Variants in PSPC1 observed in about 807,000 individuals in gnomAD.
PSPC1 encodes the protein paraspeckle component 1, also known as paraspeckle protein 1.
A neutral mutation model predicts 51.6 loss-of-function variants in PSPC1; 14 were observed. The observed-to-expected ratio is 0.27, with a 90% CI of 0.18 to 0.42. The LOEUF is 0.42. Among genes scored for constraint, PSPC1 ranks in the 10% least tolerant of loss-of-function variants. The pLI is 1.00. For synonymous variants in PSPC1, 193 were observed against 231.9 expected, an observed-to-expected ratio of 0.83 and a Z score of 1.53; for missense variants, 406 against 701.1, an observed-to-expected ratio of 0.58 and a Z score of 4.75.
At position 19,727,633 on chromosome 13, in the gene PSPC1, C is replaced by T. The variant is rs373326643; in HGVS notation, c.1158+2606G>A. Among the ~76,000 whole-genome samples, 103 of 152,244 alleles carry T rather than the reference C, an allele frequency of 6.8e-4. No homozygotes were observed. In the South Asian group the frequency reaches 0.018, roughly 26 times the overall value. Reference sequence around the variant, plus strand: ...TAGAACTAAAATCTGTCATTTAGTCCAATGCAGATTTTTCCCATAAAGACT... The same window carrying T: ...TAGAACTAAAATCTGTCATTTAGTCTAATGCAGATTTTTCCCATAAAGACT... On this transcript the variant is annotated intron_variant, in intron 6 of 8. Transcript: ENST00000338910.
chr13:19,671,997 G>C (rs1565946129), downstream of PSPC1: 6 of 993,490 alleles, frequency 6.0e-6, no homozygotes, highest in Non-Finnish European at 9.3e-6. Flanking sequence ...TTGCAGTTAA[G>C]CCTGTTGTCT....
Position 19,703,137 on chromosome 13 carries a change from A to C in PSPC1, c.*38T>G. ...GTAAAAGTATAAAGGCATACCACTGACTTTTTTTTTTCTAGATAGCCAGGA... is the reference window on the plus strand; with the variant it reads ...GTAAAAGTATAAAGGCATACCACTGCCTTTTTTTTTTCTAGATAGCCAGGA... On this transcript the variant is annotated 3_prime_UTR_variant, in exon 9 of 9. Coordinates refer to ENST00000338910, the MANE Select transcript of PSPC1 (RefSeq NM_001354909.2). 1 of 1,577,546 alleles carries C rather than the reference A, an allele frequency of 6.3e-7. No homozygotes were observed. The highest frequency in any genetic ancestry group is 8.7e-7 in the Non-Finnish European group (1 of 1,149,386).
intron 5 of PSPC1, among the ~76,000 whole-genome samples, chr13:19,736,637 C>G (rs528949385): frequency 6.6e-6 from 1 of 152,048 alleles, no homozygotes. Flanking sequence ...GAGCCGAGAT[C>G]GCGCCACTGC....
chr13:19,754,794 T>C (rs1886907677), intron 3 of PSPC1, among the ~76,000 whole-genome samples: 1 of 152,276 alleles, frequency 6.6e-6, no homozygotes, highest in African/African-American at 2.4e-5. Context: ...AAATATTGCC[T>C]ATAAAGTCTA....
rs371956217 is a variant in PSPC1, at chr13:19,731,658, C to A, written c.1053-1314G>T. Among the ~76,000 whole-genome samples, 305 of 152,292 alleles carry A rather than the reference C, an allele frequency of 2.0e-3. 11 individuals are homozygous for A. In the South Asian group the frequency reaches 0.052, roughly 26 times the overall value. ...TAAACTCCTGGGCTCAAGTGGTCTG[C>A]CTGCCTCAATCTCCCAAAGTGCTGG... On this transcript the variant is annotated intron_variant, in intron 5 of 8. Coordinates refer to ENST00000338910, the MANE Select transcript of PSPC1 (RefSeq NM_001354909.2).
In PSPC1 at chr13:19,747,500, T is replaced by C. The variant is rs893837827; in HGVS notation, c.967+3771A>G. 5.9e-4 allele frequency among the ~76,000 whole-genome samples: 90 copies of C among 152,212 alleles called. 1 individual carries two copies. Among genetic ancestry groups the C allele is most frequent in the African/African-American group, 2.1e-3 (87 of 41,548 alleles). On this transcript the variant is annotated intron_variant, in intron 4 of 8. Coordinates refer to ENST00000338910, the MANE Select transcript of PSPC1 (RefSeq NM_001354909.2). ...GACACATGCCACCATGCCCAGCTAA[T>C]TTCTGTACTTTTGGTAGAGACGGGG...
chr13:19,742,731 T>C (rs1231268743), intron 4 of PSPC1, among the ~76,000 whole-genome samples: 1 of 152,178 alleles, frequency 6.6e-6, no homozygotes, highest in Non-Finnish European at 1.5e-5. Context: ...ACAGCAGAAC[T>C]GTCTCTAAAA....
intron 6 of PSPC1, among the ~76,000 whole-genome samples, chr13:19,711,069 G>C (rs926771166): frequency 2.6e-5 from 4 of 151,996 alleles, no homozygotes; most frequent in African/African-American, 9.7e-5. Flanking sequence ...TCTAACTCCT[G>C]GGCTCAAGCA....
At chr13:19,779,749 C>A (rs1889685343) in intron 1 of PSPC1, among the ~76,000 whole-genome samples, 1 of 98,080 alleles carries the variant, frequency 1.0e-5, no homozygotes, top group African/African-American at 4.1e-5. Context: ...GGTCAGCCCT[C>A]CGCCCAGCCA....
rs1228912220 is a variant in PSPC1, at chr13:19,705,585, T to C, written c.1386+77A>G. ...TGCCAAAACAAATGATACCAAATTA[T>C]ATTAAGTGTGAAGTTATCCTTGATG... On this transcript the variant is annotated intron_variant, in intron 8 of 8. Transcript: ENST00000338910. The C allele has an allele frequency of 2.2e-5, 22 of 989,344 alleles. No individual in the cohort carries two copies. In the African/African-American group the frequency reaches 3.2e-4, roughly 14 times the overall value. 61.3% of individuals were successfully genotyped at this position (989,344 alleles called of 1,614,324 possible). A position where few individuals can be genotyped will look rare whatever the true frequency, so the allele number is the denominator to read the frequency against.
At chr13:19,771,608 G>C (rs370103918) in intron 2 of PSPC1, among the ~76,000 whole-genome samples, 16 of 151,400 alleles carry the variant, frequency 1.1e-4, no homozygotes, top group African/African-American at 3.9e-4. Context: ...ATTAATTTTT[G>C]TATTTTTAGA....
In PSPC1 at chr13:19,772,311, T is replaced by C; in HGVS notation, c.605A>G (p.Glu202Gly). Reference sequence around the variant, plus strand: ...TCGTGCAGGAGGTTTTGCTGCAAACTCTACAAAACCTTTTCCTGTAGCTCT... The same window carrying C: ...TCGTGCAGGAGGTTTTGCTGCAAACCCTACAAAACCTTTTCCTGTAGCTCT... Reference protein sequence around the residue: ...RGRATGKGFVEFAAKPPARKA... With the variant: ...RGRATGKGFVGFAAKPPARKA... The change falls in exon 2 of 9, where the codon GAG (glutamate) becomes GGG (glycine). Residue 202 changes from glutamate to glycine, a missense_variant. By Grantham distance (98) the Glu-to-Gly change is moderately conservative. This residue lies in a region of PSPC1 where 180 missense variants were observed against 337.9 expected (regional missense o/e 0.53). Transcript: ENST00000338910. 1 of 1,614,228 alleles carries C rather than the reference T, an allele frequency of 6.2e-7. No homozygotes were observed. Among genetic ancestry groups the C allele is most frequent in the Non-Finnish European group, 8.5e-7 (1 of 1,180,030 alleles).
At chr13:19,699,878 T>C (rs926572012), downstream of PSPC1, among the ~76,000 whole-genome samples, 1 of 152,018 alleles carries the variant, frequency 6.6e-6, no homozygotes, top group Non-Finnish European at 1.5e-5. Context: ...CTCAGAAATA[T>C]ATTTTAACAC....
chr13:19,781,200 C>G (rs1889930244), intron 1 of PSPC1, among the ~76,000 whole-genome samples: 1 of 149,734 alleles, frequency 6.7e-6, no homozygotes, highest in South Asian at 2.2e-4. Context: ...TGTTTTGAGA[C>G]GGGATCTCGC....
chr13:19,743,175 G>A (rs1444619315), intron 4 of PSPC1, among the ~76,000 whole-genome samples: 1 of 152,162 alleles, frequency 6.6e-6, no homozygotes, highest in Non-Finnish European at 1.5e-5. Flanking sequence ...AATTATGTAT[G>A]TATATATGCA....
chr13:19,671,976 C>A (rs1158693360), downstream of PSPC1: 2 of 1,215,166 alleles, frequency 1.6e-6, no homozygotes, highest in Non-Finnish European at 2.4e-6. Context: ...AAAGTTTTGT[C>A]TGTAAACCTC....
At chr13:19,673,142 C>T (rs1359595677), downstream of PSPC1, 1 of 450,806 alleles carries the variant, frequency 2.2e-6, no homozygotes, top group Non-Finnish European at 4.4e-6. Flanking sequence ...TTGTTTTGAA[C>T]ACCGACTGGG....
intron 2 of PSPC1, among the ~76,000 whole-genome samples, chr13:19,768,160 G>A (rs1327045170): frequency 6.6e-6 from 1 of 151,922 alleles, no homozygotes. Flanking sequence ...AGGAGGTCAA[G>A]GCTGCAGTGA....
At chr13:19,731,250 GA>G (rs199918593) in intron 5 of PSPC1, among the ~76,000 whole-genome samples, 52 of 152,240 alleles carry the variant, frequency 3.4e-4, no homozygotes, top group African/African-American at 1.1e-3. Flanking sequence ...TTACTTTTAA[GA>G]GGAAAAATCT....
Sources: gnomAD v4.1 joint callset for allele counts (sites outside exome capture counted in the v4.1 genomes callset) on GRCh38, gnomAD v4.1.1 for gene constraint, gnomAD v4.1.1 regional missense constraint, MANE v1.5 for transcripts, NCBI Gene and HGNC (gene_info 2026-07-23, HGNC 2026-07-21) for gene names.